AGPAT4: variants seen among roughly 807,000 people sequenced by gnomAD.
AGPAT4 encodes 1-acylglycerol-3-phosphate O-acyltransferase 4.
AGPAT4 carries 15 observed loss-of-function variants against 48.0 expected under a neutral mutation model. The observed-to-expected ratio is 0.31, with a 90% CI of 0.21 to 0.48. The LOEUF is 0.48. AGPAT4 is among the 20% of genes least tolerant of loss of function. The pLI is 0.99. For synonymous variants in AGPAT4, 178 were observed against 198.7 expected, an observed-to-expected ratio of 0.90 and a Z score of 0.88; for missense variants, 314 against 482.5, an observed-to-expected ratio of 0.65 and a Z score of 3.27.
chr6:161,211,383 T>A (rs1005926514), intron 2 of AGPAT4, among the ~76,000 whole-genome samples: 1 of 152,146 alleles, frequency 6.6e-6, no homozygotes, highest in Non-Finnish European at 1.5e-5. Flanking sequence ...TATTTAAAAG[T>A]CATGTATAAA....
chr6:161,213,450 C>T (rs1483403916), intron 2 of AGPAT4, among the ~76,000 whole-genome samples: 1 of 152,130 alleles, frequency 6.6e-6, no homozygotes, highest in Non-Finnish European at 1.5e-5. Context: ...TTATTTTCTA[C>T]AGTTTGGACT....
rs1012741874 is a variant in AGPAT4 at position 161,130,997 on chromosome 6, G to T, written c.*5543C>A. ...ATAGAAAAGGAAAAGTGACATTTGT[G>T]TAATTTATTTTGGAAATGCAAAGGA... is the stretch of plus-strand genomic sequence containing the variant. On this transcript the variant is annotated 3_prime_UTR_variant, in exon 9 of 9. Transcript: ENST00000320285. The T allele has an allele frequency of 4.2e-6, 2 of 471,772 alleles. No individual in the cohort carries two copies. The highest frequency in any genetic ancestry group is 2.0e-5 in the African/African-American group (1 of 51,052). 29.2% of individuals were successfully genotyped at this position (471,772 alleles called of 1,614,324 possible).
chr6:161,149,130 A>G lies in AGPAT4; in HGVS notation c.767+57T>C, dbSNP rs1779518360. Reference sequence around the variant, plus strand: ...GAAGAAAGTCTCTAGGTCATTTGTGATGTGTTTACTTTGAAATGGGCACTG... The same window carrying G: ...GAAGAAAGTCTCTAGGTCATTTGTGGTGTGTTTACTTTGAAATGGGCACTG... On this transcript the variant is annotated intron_variant, in intron 6 of 8. Coordinates refer to ENST00000320285, the MANE Select transcript of AGPAT4 (RefSeq NM_020133.3). This position sits in a 1 kb window ranked among gnomAD's most constrained non-coding sequence, Gnocchi z 6.5. 6.3e-7 allele frequency: 1 copy of G among 1,583,520 alleles called. No homozygotes were observed. The highest frequency in any genetic ancestry group is 8.6e-7 in the Non-Finnish European group (1 of 1,167,192).
rs1252877473 is a variant in AGPAT4 at position 161,208,062 on chromosome 6, A to C, written c.178+23974T>G. ...TGGTAATAACCCTTTCCTAGGCTTC[A>C]TTATTAATATTTCCTCCACCTCACA... On this transcript the variant is annotated intron_variant, in intron 2 of 8. Transcript: ENST00000320285. The surrounding 1 kb of genome is among the most constrained non-coding windows in gnomAD (Gnocchi z 4.6). Among the ~76,000 whole-genome samples the C allele has an allele frequency of 6.6e-6, 1 of 152,192 alleles. No individual in the cohort carries two copies. The highest frequency in any genetic ancestry group is 2.4e-5 in the African/African-American group (1 of 41,438).
At position 161,142,175 on chromosome 6, in the gene AGPAT4, TTGTC is replaced by T. The variant is rs1165953036; in HGVS notation, c.844-2559_844-2556del. ...AGCCCCATTCACTTTAAAGTTTTCT[TTGTC>T]TGTGGTTTAAAACACTAAATCTCAT... On this transcript the variant is annotated intron_variant, in intron 7 of 8. Transcript: ENST00000320285. This position sits in a 1 kb window ranked among gnomAD's most constrained non-coding sequence, Gnocchi z 6.4. Among the ~76,000 whole-genome samples, 3 of 152,296 alleles carry T rather than the reference TTGTC, an allele frequency of 2.0e-5. No homozygotes were observed. Among genetic ancestry groups the T allele is most frequent in the South Asian group, 4.1e-4 (2 of 4,826 alleles).
intron 2 of AGPAT4, among the ~76,000 whole-genome samples, chr6:161,193,662 A>C (rs901040249): frequency 6.6e-6 from 1 of 152,164 alleles, no homozygotes; most frequent in Admixed American, 6.5e-5. Flanking sequence ...TGGAGGAAGA[A>C]TCCCTGTTAG....
chr6:161,159,319 T>G lies in AGPAT4; in HGVS notation c.349-5009A>C, dbSNP rs1358859419. Among the ~76,000 whole-genome samples, 1 of 152,164 alleles carries G rather than the reference T, an allele frequency of 6.6e-6. No individual in the cohort carries two copies. Among genetic ancestry groups the G allele is most frequent in the Non-Finnish European group, 1.5e-5 (1 of 68,032 alleles). ...CAAAGGTATTGATTAAGAAGCCCCCTATGCCAGGCATTATGCAGGTGCCGA... is the reference window on the plus strand; with the variant it reads ...CAAAGGTATTGATTAAGAAGCCCCCGATGCCAGGCATTATGCAGGTGCCGA... On this transcript the variant is annotated intron_variant, in intron 3 of 8. Coordinates refer to ENST00000320285, the MANE Select transcript of AGPAT4 (RefSeq NM_020133.3). This position sits in a 1 kb window ranked among gnomAD's most constrained non-coding sequence, Gnocchi z 4.1.
In AGPAT4 at chr6:161,141,210, C is replaced by A. The variant is rs1779238983; in HGVS notation, c.844-1590G>T. Among the ~76,000 whole-genome samples the A allele has an allele frequency of 6.6e-6, 1 of 152,060 alleles. No homozygotes were observed. Among genetic ancestry groups the A allele is most frequent in the African/African-American group, 2.4e-5 (1 of 41,404 alleles). The stretch of plus-strand genomic sequence containing the variant: ...TCAGGTGCCTCTGCTCTGTCCTCGG[C>A]CCCCTGCAGCCCATTAACAAGCCTG... On this transcript the variant is annotated intron_variant, in intron 7 of 8. Transcript: ENST00000320285. The surrounding 1 kb of genome is among the most constrained non-coding windows in gnomAD (Gnocchi z 6.7).
rs1779123064 is a variant in AGPAT4 at position 161,137,870 on chromosome 6, G to A, written c.1043-1236C>T. On this transcript the variant is annotated intron_variant, in intron 8 of 8. Coordinates refer to ENST00000320285, the MANE Select transcript of AGPAT4 (RefSeq NM_020133.3). The surrounding 1 kb of genome is among the most constrained non-coding windows in gnomAD (Gnocchi z 6.1). ...TCAGATGCTCCTGAAGACTCCCTGT[G>A]TCCATACTGCACCCCTCAGATGCTC... Among the ~76,000 whole-genome samples, 1 of 151,804 alleles carries A rather than the reference G, an allele frequency of 6.6e-6. No homozygotes were observed. Among genetic ancestry groups the A allele is most frequent in the Non-Finnish European group, 1.5e-5 (1 of 67,930 alleles).
chr6:161,225,673 G>A lies in AGPAT4; in HGVS notation c.178+6363C>T, dbSNP rs1406846767. ...TCGTGATGTGGAGCCGTCAGGGTGT[G>A]TGACTCCAGGTGAAGTCAGGCAGTG... On this transcript the variant is annotated intron_variant, in intron 2 of 8. Coordinates refer to ENST00000320285, the MANE Select transcript of AGPAT4 (RefSeq NM_020133.3). The surrounding 1 kb of genome is among the most constrained non-coding windows in gnomAD (Gnocchi z 5.0). Among the ~76,000 whole-genome samples, 8 of 152,194 alleles carry A rather than the reference G, an allele frequency of 5.3e-5. No homozygotes were observed. The highest frequency in any genetic ancestry group is 7.3e-5 in the Non-Finnish European group (5 of 68,038).
rs1391565437 is a variant in AGPAT4 at position 161,180,519 on chromosome 6, A to G, written c.179-14102T>C. On this transcript the variant is annotated intron_variant, in intron 2 of 8. Coordinates refer to ENST00000320285, the MANE Select transcript of AGPAT4 (RefSeq NM_020133.3). The surrounding 1 kb of genome is among the most constrained non-coding windows in gnomAD (Gnocchi z 6.4). ...CTCTAACCAACTTTAACAATTATAT[A>G]ATTACATAGGTGATTGCTATGAAAT... Among the ~76,000 whole-genome samples, 1 of 152,200 alleles carries G rather than the reference A, an allele frequency of 6.6e-6. No individual in the cohort carries two copies. Among genetic ancestry groups the G allele is most frequent in the Non-Finnish European group, 1.5e-5 (1 of 68,044 alleles).
rs188713486 is a variant in AGPAT4, at chr6:161,149,791, C to T, written c.665-502G>A. ...TCCTGACCTCAAGTGCTCTGCCCGCCTCAGCCTCCCAAAGTGCTGGGATTA... is the reference window on the plus strand; with the variant it reads ...TCCTGACCTCAAGTGCTCTGCCCGCTTCAGCCTCCCAAAGTGCTGGGATTA... On this transcript the variant is annotated intron_variant, in intron 5 of 8. Transcript: ENST00000320285. This position sits in a 1 kb window ranked among gnomAD's most constrained non-coding sequence, Gnocchi z 6.5. Among the ~76,000 whole-genome samples the T allele has an allele frequency of 2.6e-5, 4 of 152,300 alleles. No homozygotes were observed. The highest frequency in any genetic ancestry group is 2.0e-4 in the Admixed American group (3 of 15,302).
rs1192268761 is a variant in AGPAT4, at chr6:161,133,535, A to G, written c.*3005T>C. 6.6e-6 allele frequency: 1 copy of G among 152,184 alleles called. No homozygotes were observed. The highest frequency in any genetic ancestry group is 1.9e-4 in the East Asian group (1 of 5,192). The allele number at this position is 152,184 out of a possible 1,614,324, so 9.4% of individuals were successfully genotyped here. On this transcript the variant is annotated 3_prime_UTR_variant, in exon 9 of 9. Transcript: ENST00000320285. ...AATCGTGTTCACTATATGGTGGCAG[A>G]ATCAGTCCAGTCCCCCAGACCTCAA...
chr6:161,268,375 A>C (rs1391290067), intron 1 of AGPAT4, among the ~76,000 whole-genome samples: 2 of 152,238 alleles, frequency 1.3e-5, no homozygotes, highest in Non-Finnish European at 2.9e-5. Flanking sequence ...ATACATGTGC[A>C]GAATGTGCAG....
Position 161,140,285 on chromosome 6 carries a change from G to A in AGPAT4, c.844-665C>T, listed in dbSNP as rs1276464016. 6.6e-6 allele frequency among the ~76,000 whole-genome samples: 1 copy of A among 152,218 alleles called. No homozygotes were observed. Among genetic ancestry groups the A allele is most frequent in the Non-Finnish European group, 1.5e-5 (1 of 68,034 alleles). ...ACACTCAGGACTGGGTGTCCAGGGT[G>A]ACTCTTCTAAGTGATTGTTAGACCG... On this transcript the variant is annotated intron_variant, in intron 7 of 8. Coordinates refer to ENST00000320285, the MANE Select transcript of AGPAT4 (RefSeq NM_020133.3). The surrounding 1 kb of genome is among the most constrained non-coding windows in gnomAD (Gnocchi z 6.5).
intron 2 of AGPAT4, among the ~76,000 whole-genome samples, chr6:161,173,213 CG>C (rs1490768486): frequency 3.9e-5 from 6 of 152,330 alleles, no homozygotes; most frequent in African/African-American, 1.4e-4. Flanking sequence ...CTTGAGGAAT[CG>C]CCACACTGTC....
chr6:161,269,926 C>G (rs540380723), intron 1 of AGPAT4, among the ~76,000 whole-genome samples: 6 of 152,044 alleles, frequency 3.9e-5, no homozygotes, highest in Non-Finnish European at 7.4e-5. Context: ...CAAATTAGAT[C>G]GGAGAAACAA....
Position 161,235,060 on chromosome 6 carries a change from C to G in AGPAT4, c.-89-2758G>C, listed in dbSNP as rs1782236033. Among the ~76,000 whole-genome samples the G allele has an allele frequency of 6.6e-6, 1 of 151,920 alleles. No individual in the cohort carries two copies. Among genetic ancestry groups the G allele is most frequent in the South Asian group, 2.1e-4 (1 of 4,818 alleles). ...TTTTGGGTCTTGAGTTTCAGCTCCA[C>G]TTCTGTCCTCAAGGCCCATTTCCTA... On this transcript the variant is annotated intron_variant, in intron 1 of 8. Coordinates refer to ENST00000320285, the MANE Select transcript of AGPAT4 (RefSeq NM_020133.3). The surrounding 1 kb of genome is among the most constrained non-coding windows in gnomAD (Gnocchi z 6.2).
chr6:161,182,235 TCCCCGCACCTCA>T (rs1780619542), intron 2 of AGPAT4, among the ~76,000 whole-genome samples: 4 of 59,500 alleles, frequency 6.7e-5, no homozygotes, highest in Admixed American at 1.6e-4. Flanking sequence ...TATCCCCTCA[TCCCCGCACCTCA>T]TCCCAGCCTC....
Sources: gnomAD v4.1 joint callset for allele counts (sites outside exome capture counted in the v4.1 genomes callset) on GRCh38, gnomAD v4.1.1 for gene constraint, Gnocchi (gnomAD v3.1) non-coding constraint, MANE v1.5 for transcripts, NCBI Gene and HGNC (gene_info 2026-07-23, HGNC 2026-07-21) for gene names.